The following FAF1 variants were observed in gnomAD, a reference collection of about 807,000 sequenced individuals.
FAF1 encodes the protein Fas associated factor 1.
In FAF1, 25 loss-of-function variants were observed where a neutral mutation model predicts 92.5. That is an observed-to-expected ratio of 0.27 (90% CI 0.20 to 0.38). FAF1 has a LOEUF of 0.38. Ranked by LOEUF, FAF1 falls within the 10% of genes least tolerant of loss-of-function variation. The pLI, the probability that FAF1 is intolerant of heterozygous loss-of-function variation, is 1.00. For synonymous variants in FAF1, 234 were observed against 273.2 expected, an observed-to-expected ratio of 0.86 and a Z score of 1.42; for missense variants, 636 against 793.3, an observed-to-expected ratio of 0.80 and a Z score of 2.38.
intron 2 of FAF1, among the ~76,000 whole-genome samples, chr1:50,849,994 GAA>G (rs1644334521): frequency 6.6e-6 from 1 of 152,086 alleles, no homozygotes; most frequent in Admixed American, 6.6e-5. Context: ...GTGTGTGAGG[GAA>G]AGAGGCAACA....
At chr1:50,949,137 T>C (rs1221128970) in intron 1 of FAF1, among the ~76,000 whole-genome samples, 1 of 152,216 alleles carries the variant, frequency 6.6e-6, no homozygotes, top group East Asian at 1.9e-4. Flanking sequence ...AGTGTAGTCC[T>C]TGGATCAGAA....
chr1:50,659,499 G>A (rs533541212), intron 7 of FAF1, among the ~76,000 whole-genome samples: 68 of 152,238 alleles, frequency 4.5e-4, no homozygotes, highest in Non-Finnish European at 8.4e-4. Flanking sequence ...TGCTTCTGAC[G>A]GAGTTTCATC....
At chr1:50,872,625 G>A (rs188001565) in intron 1 of FAF1, among the ~76,000 whole-genome samples, 1 of 152,096 alleles carries the variant, frequency 6.6e-6, no homozygotes, top group African/African-American at 2.4e-5. Flanking sequence ...GGCTGGGCGC[G>A]GTGGCTCATG....
rs1648663790 is a variant in FAF1, at chr1:50,539,638, A to G, written c.1359T>C (p.Ile453=). 6.2e-7 allele frequency: 1 copy of G among 1,612,892 alleles called. No individual in the cohort carries two copies. The highest frequency in any genetic ancestry group is 8.5e-7 in the Non-Finnish European group (1 of 1,179,192). ...CATTAGATGATCGCTTTCCCATAAT[A>G]ATCAGGAAAAGCGGAAACTGATCCG... ...QKTDQFPLFL[I]IMGKRSSNEV... The change falls in exon 14 of 19, where the codon ATT becomes ATC. Residue 453 remains isoleucine (I), a synonymous_variant. Transcript: ENST00000396153.
intron 2 of FAF1, among the ~76,000 whole-genome samples, chr1:50,843,139 A>T (rs1236676535): frequency 6.6e-6 from 1 of 152,158 alleles, no homozygotes; most frequent in African/African-American, 2.4e-5. Context: ...CCAAAACCTA[A>T]ATTTGCTACT....
intron 1 of FAF1, among the ~76,000 whole-genome samples, chr1:50,905,100 T>C (rs929630097): frequency 6.6e-6 from 1 of 152,150 alleles, no homozygotes; most frequent in African/African-American, 2.4e-5. Context: ...AGTGTTCTCA[T>C]TGTTCAATTC....
rs974741605 is a variant in FAF1 at position 50,747,776 on chromosome 1, G to A, written c.368-3001C>T. The stretch of plus-strand genomic sequence containing the variant: ...TGTTGGCAGTGGGGTCTGGTAGGAG[G>A]TGACTGAATCATGTGTGACAGATTT... On this transcript the variant is annotated intron_variant, in intron 4 of 18. Transcript: ENST00000396153. Among the ~76,000 whole-genome samples the A allele has an allele frequency of 3.3e-5, 5 of 152,168 alleles. No individual in the cohort carries two copies. In the South Asian group the frequency reaches 6.2e-4, roughly 19 times the overall value.
At chr1:50,443,297 A>C (rs1339541021) in intron 18 of FAF1, among the ~76,000 whole-genome samples, 1 of 152,218 alleles carries the variant, frequency 6.6e-6, no homozygotes, top group Admixed American at 6.5e-5. Flanking sequence ...GTCATATGCA[A>C]GATTAGAGGT....
At chr1:50,839,218 T>C (rs531532292) in intron 2 of FAF1, among the ~76,000 whole-genome samples, 3 of 152,266 alleles carry the variant, frequency 2.0e-5, no homozygotes, top group East Asian at 1.9e-4. Context: ...ATTTCTACTA[T>C]TATTTTTACA....
chr1:50,572,039 G>C (rs1163626758), intron 12 of FAF1, among the ~76,000 whole-genome samples: 20 of 151,952 alleles, frequency 1.3e-4, no homozygotes, highest in Admixed American at 1.3e-3. Flanking sequence ...TGTGTAAATT[G>C]GACCTGACTT....
chr1:50,868,143 T>A (rs760153339), intron 1 of FAF1, among the ~76,000 whole-genome samples: 3 of 152,070 alleles, frequency 2.0e-5, no homozygotes, highest in Admixed American at 2.0e-4. Context: ...TGCAAAGGCA[T>A]AAGAATGATA....
chr1:50,451,752 C>A (rs1219168395), intron 18 of FAF1: 30 of 677,984 alleles, frequency 4.4e-5, no homozygotes, highest in Non-Finnish European at 5.1e-5. Context: ...ATCTCTGTAG[C>A]ATATGGGGAC....
chr1:50,705,957 G>T (rs1008278235), intron 6 of FAF1, 66 bp from the exon 7 acceptor site: 12 of 957,592 alleles, frequency 1.3e-5, no homozygotes, highest in Non-Finnish European at 2.0e-5. Flanking sequence ...TTTACAGCTA[G>T]CTGCAAAAAC....
chr1:50,733,551 G>A (rs1659017058), intron 6 of FAF1, among the ~76,000 whole-genome samples: 2 of 152,186 alleles, frequency 1.3e-5, no homozygotes, highest in African/African-American at 4.8e-5. Flanking sequence ...CATAAGGGCT[G>A]GGTCCTAATC....
At chr1:50,645,817 G>T (rs957808543) in intron 8 of FAF1, among the ~76,000 whole-genome samples, 1 of 148,236 alleles carries the variant, frequency 6.7e-6, no homozygotes, top group Non-Finnish European at 1.5e-5. Context: ...GACAGAGTGA[G>T]ACTCCGTCTA....
chr1:50,728,462 A>G (rs950646743), intron 6 of FAF1, among the ~76,000 whole-genome samples: 19 of 152,178 alleles, frequency 1.2e-4, no homozygotes, highest in Non-Finnish European at 2.9e-5. Context: ...GGTCCCAGTA[A>G]GGAACTTGGA....
At chr1:50,943,686 T>C (rs963138881) in intron 1 of FAF1, among the ~76,000 whole-genome samples, 1 of 151,990 alleles carries the variant, frequency 6.6e-6, no homozygotes, top group Non-Finnish European at 1.5e-5. Flanking sequence ...TTCCAGGAAG[T>C]TTCCCCAAGC....
chr1:50,645,889 C>A (rs559445958), intron 8 of FAF1, among the ~76,000 whole-genome samples: 6 of 151,730 alleles, frequency 4.0e-5, no homozygotes. Flanking sequence ...CAAGAAAATA[C>A]TATTGACAAA....
chr1:50,452,305 A>T (rs1646303420), intron 18 of FAF1: 3 of 442,636 alleles, frequency 6.8e-6, no homozygotes, highest in South Asian at 6.1e-5. Flanking sequence ...ATAAGTGAAG[A>T]TTCTGTAGTG....
Sources: gnomAD v4.1 joint callset for allele counts (sites outside exome capture counted in the v4.1 genomes callset) on GRCh38, gnomAD v4.1.1 for gene constraint, MANE v1.5 for transcripts, NCBI Gene and HGNC (gene_info 2026-07-23, HGNC 2026-07-21) for gene names.